The following PDIA5 variants were observed in gnomAD, a reference collection of about 807,000 sequenced individuals.
PDIA5 encodes the protein protein disulfide-isomerase A5.
A neutral mutation model predicts 77.6 loss-of-function variants in PDIA5; 58 were observed. The observed-to-expected ratio is 0.75, with a 90% CI of 0.61 to 0.93. The LOEUF (loss-of-function observed/expected upper bound fraction) is 0.93. Among genes scored for constraint, PDIA5 ranks in the 40% least tolerant of loss-of-function variants. The pLI is 0.00. For missense variants in PDIA5, 630 were observed against 647.7 expected, an observed-to-expected ratio of 0.97 and a Z score of 0.30; for synonymous variants, 250 against 252.1, an observed-to-expected ratio of 0.99 and a Z score of 0.08.
At chr3:123,155,258 A>G (rs1422367175) in intron 15 of PDIA5, among the ~76,000 whole-genome samples, 2 of 152,246 alleles carry the variant, frequency 1.3e-5, no homozygotes, top group African/African-American at 4.8e-5. Context: ...CCATTCCAGC[A>G]CTTACTTGGA....
At chr3:123,137,633 T>A (rs977463686) in intron 11 of PDIA5, among the ~76,000 whole-genome samples, 1 of 152,172 alleles carries the variant, frequency 6.6e-6, no homozygotes, top group Middle Eastern at 3.2e-3. Context: ...TTCGTGAATT[T>A]GATGTCATGA....
At chr3:123,130,742 G>A in intron 11 of PDIA5, 126 bp downstream of exon 11, 1 of 1,078,464 alleles carries the variant, frequency 9.3e-7, no homozygotes. Context: ...TGCTAAGCCA[G>A]GGGATGCAGT....
Position 123,130,603 on chromosome 3 carries a change from G to A in PDIA5, c.897G>A (p.Met299Ile), listed in dbSNP as rs754568437. Reference protein sequence around the residue: ...FVKEHSSVLVMFHAPWCGHCK... With the variant: ...FVKEHSSVLVIFHAPWCGHCK... ...AGGAACACTCCTCTGTCCTCGTCAT[G>A]TTCCACGCCCCATGTGAGTGGAACT... is the stretch of plus-strand genomic sequence containing the variant. Residue 299 changes from methionine to isoleucine, a missense_variant, in exon 11 of 17, where the codon ATG becomes ATA. Transcript: ENST00000316218. 2.5e-6 allele frequency: 4 copies of A among 1,614,098 alleles called. No individual in the cohort carries two copies. The Admixed American group carries it at 5.0e-5, about 20-fold the overall frequency.
intron 1 of PDIA5, among the ~76,000 whole-genome samples, chr3:123,082,337 G>A (rs1015148767): frequency 2.6e-5 from 4 of 152,022 alleles, no homozygotes; most frequent in African/African-American, 9.7e-5. Context: ...TTCTAGTCCT[G>A]GCTCTGTTAC....
At chr3:123,127,526 A>G (rs1433103920) in intron 10 of PDIA5, among the ~76,000 whole-genome samples, 1 of 152,186 alleles carries the variant, frequency 6.6e-6, no homozygotes, top group Non-Finnish European at 1.5e-5. Flanking sequence ...CTATCTTGTC[A>G]CTGTTTTAAG....
intron 11 of PDIA5, among the ~76,000 whole-genome samples, chr3:123,136,749 A>AAG (rs1560545915): frequency 9.4e-5 from 12 of 127,108 alleles, no homozygotes; most frequent in African/African-American, 3.6e-4. Context: ...AAAAAAAAAA[A>AAG]GGGGGTTGGG....
At chr3:123,069,438 A>G (rs1158700086) in intron 1 of PDIA5, among the ~76,000 whole-genome samples, 1 of 152,244 alleles carries the variant, frequency 6.6e-6, no homozygotes, top group African/African-American at 2.4e-5. Context: ...TATCATGGAA[A>G]GTGATATTTA....
At chr3:123,117,240 C>T (rs2107948991) in intron 8 of PDIA5, among the ~76,000 whole-genome samples, 1 of 151,872 alleles carries the variant, frequency 6.6e-6, no homozygotes, top group East Asian at 1.9e-4. Context: ...TATATTTACA[C>T]TGTTGTGCAA....
At chr3:123,151,485 A>G (rs778846428) in intron 14 of PDIA5, among the ~76,000 whole-genome samples, 2 of 152,242 alleles carry the variant, frequency 1.3e-5, no homozygotes, top group Non-Finnish European at 2.9e-5. Flanking sequence ...TTCAGCAGCA[A>G]GTGAGAACCT....
chr3:123,152,115 TCCTTC>T (rs1385293457), intron 14 of PDIA5, among the ~76,000 whole-genome samples: 1 of 124,910 alleles, frequency 8.0e-6, no homozygotes, highest in Non-Finnish European at 1.7e-5. Flanking sequence ...CTTCCTTCCT[TCCTTC>T]CTTCCTGCCT....
At chr3:123,105,860 G>A (rs1274659081) in intron 5 of PDIA5, among the ~76,000 whole-genome samples, 1 of 152,166 alleles carries the variant, frequency 6.6e-6, no homozygotes, top group Non-Finnish European at 1.5e-5. Flanking sequence ...CTGGCTCTCA[G>A]ACTTTGAGCA....
At chr3:123,141,617 C>T (rs1935638495) in intron 11 of PDIA5, among the ~76,000 whole-genome samples, 1 of 152,226 alleles carries the variant, frequency 6.6e-6, no homozygotes, top group Non-Finnish European at 1.5e-5. Context: ...GAGTGGGGGG[C>T]TCACCTTGGA....
At chr3:123,159,869 G>A (rs1208065586) in intron 15 of PDIA5, among the ~76,000 whole-genome samples, 1 of 152,218 alleles carries the variant, frequency 6.6e-6, no homozygotes, top group Non-Finnish European at 1.5e-5. Flanking sequence ...GGGCATGAGG[G>A]ACATGATGAG....
rs546590250 is a variant in PDIA5 at position 123,077,544 on chromosome 3, A to G, written c.42+10338A>G. Among the ~76,000 whole-genome samples, 497 of 133,964 alleles carry G rather than the reference A, an allele frequency of 3.7e-3. 2 individuals carry two copies. The highest frequency in any genetic ancestry group is 0.014 in the African/African-American group (479 of 35,416). The allele number at this position is 133,964 out of a possible 152,430, so 87.9% of individuals were successfully genotyped here. A position where few individuals can be genotyped will look rare whatever the true frequency, so the allele number is the denominator to read the frequency against. ...GGGCCAGCCTCTTCTCCCACCTCAC[A>G]CACATACACACACACACACACACAC... is the stretch of plus-strand genomic sequence containing the variant. On this transcript the variant is annotated intron_variant, in intron 1 of 16. Transcript: ENST00000316218.
intron 11 of PDIA5, among the ~76,000 whole-genome samples, chr3:123,135,745 C>CTTTTTT (rs766560888): frequency 1.4e-4 from 11 of 80,468 alleles, no homozygotes; most frequent in African/African-American, 4.3e-4. Context: ...GAGGTAACAA[C>CTTTTTT]TTTTTTTTTT....
intron 11 of PDIA5, chr3:123,145,288 A>G (rs1935741555): frequency 1.9e-6 from 1 of 534,234 alleles, no homozygotes; most frequent in Non-Finnish European, 3.3e-6. Flanking sequence ...CTGGCACACC[A>G]GTTGCCCGTA....
At chr3:123,067,271 C>T (rs2107896267) in intron 1 of PDIA5, 65 bp downstream of exon 1, 1 of 1,189,398 alleles carries the variant, frequency 8.4e-7, no homozygotes, top group Non-Finnish European at 1.1e-6. Flanking sequence ...CTTCTGCGCT[C>T]TCTGCTCCAG....
chr3:123,129,290 C>T lies in PDIA5; in HGVS notation c.774-1190C>T, dbSNP rs553044571. 1.2e-3 allele frequency among the ~76,000 whole-genome samples: 178 copies of T among 152,346 alleles called. 1 individual carries two copies. The highest frequency in any genetic ancestry group is 4.1e-3 in the African/African-American group (171 of 41,582). On this transcript the variant is annotated intron_variant, in intron 10 of 16. Coordinates refer to ENST00000316218, the MANE Select transcript of PDIA5 (RefSeq NM_006810.4). ...CCAGTCCCATCTGACATTGGATATG[C>T]ATGGACTGAGATTGATTTGCCCTCT...
intron 7 of PDIA5, 134 bp from the exon 8 acceptor site, chr3:123,116,097 C>A: frequency 2.7e-6 from 2 of 745,516 alleles, no homozygotes; most frequent in South Asian, 1.5e-5. Context: ...TCCCCAGGGT[C>A]TGGAATAGTC....
Sources: gnomAD v4.1 joint callset for allele counts (sites outside exome capture counted in the v4.1 genomes callset) on GRCh38, gnomAD v4.1.1 for gene constraint, MANE v1.5 for transcripts, NCBI Gene and HGNC (gene_info 2026-07-23, HGNC 2026-07-21) for gene names.